Variants in FNDC3A observed in about 807,000 individuals in gnomAD.
FNDC3A encodes fibronectin type-III domain-containing protein 3A.
Under a neutral mutation model 148.9 loss-of-function variants are expected in FNDC3A, and 32 were observed. The observed-to-expected ratio is 0.21, with a 90% CI of 0.16 to 0.29. The LOEUF is 0.29. Among genes scored for constraint, FNDC3A ranks in the 10% least tolerant of loss-of-function variants. The pLI, the probability that FNDC3A is intolerant of heterozygous loss-of-function variation, is 1.00. For missense variants in FNDC3A, 1,191 were observed against 1,452.8 expected, an observed-to-expected ratio of 0.82 and a Z score of 2.93; for synonymous variants, 472 against 473.6, an observed-to-expected ratio of 1.00 and a Z score of 0.04.
intron 1 of FNDC3A, among the ~76,000 whole-genome samples, chr13:48,986,708 T>C (rs1951811846): frequency 6.6e-6 from 1 of 151,954 alleles, no homozygotes; most frequent in African/African-American, 2.4e-5. Context: ...GAAGGTTTTT[T>C]TAAAAAGAAG....
chr13:49,201,738 A>G (rs1336361182), intron 23 of FNDC3A, 62 bp from the exon 24 acceptor site: 8 of 845,164 alleles, frequency 9.5e-6, no homozygotes, highest in Non-Finnish European at 1.2e-5. Flanking sequence ...TAGTTTGTAA[A>G]ACACTTTAAT....
chr13:49,109,953 C>G (rs1880436860), intron 3 of FNDC3A, among the ~76,000 whole-genome samples: 1 of 152,084 alleles, frequency 6.6e-6, no homozygotes, highest in African/African-American at 2.4e-5. Flanking sequence ...TTAATATTAT[C>G]TCAAATGTTC....
At chr13:49,158,254 G>T (rs955638387) in intron 8 of FNDC3A, among the ~76,000 whole-genome samples, 3 of 152,154 alleles carry the variant, frequency 2.0e-5, no homozygotes, top group African/African-American at 7.2e-5. Context: ...TCGGAGAAGC[G>T]CAATATTCGG....
At chr13:48,984,537 T>C (rs1951754121) in intron 1 of FNDC3A, among the ~76,000 whole-genome samples, 1 of 152,078 alleles carries the variant, frequency 6.6e-6, no homozygotes. Context: ...TAAAGAAGAA[T>C]TGTATGATAA....
rs112538251 is a variant in FNDC3A at position 49,186,098 on chromosome 13, C to A, written c.1752C>A (p.Thr584=). The part of the protein sequence containing the change: ...GKIHSHSFKI[T]WDPPKDNGGA... The stretch of plus-strand genomic sequence containing the variant: ...TACATTCACACAGTTTTAAAATAAC[C>A]TGGGGTAAGATATTATGCATGTTTA... Residue 584 remains threonine, a synonymous_variant, in exon 15 of 26, where the codon ACC becomes ACA. Transcript: ENST00000492622. 3 of 1,608,704 alleles carry A rather than the reference C, an allele frequency of 1.9e-6. No homozygotes were observed. Among genetic ancestry groups the A allele is most frequent in the Non-Finnish European group, 2.6e-6 (3 of 1,176,370 alleles).
At chr13:49,008,980 A>T (rs1593463942) in intron 2 of FNDC3A, among the ~76,000 whole-genome samples, 1 of 152,128 alleles carries the variant, frequency 6.6e-6, no homozygotes, top group South Asian at 2.1e-4. Flanking sequence ...ACCAGTATTG[A>T]TGCGTTATTA....
intron 15 of FNDC3A, among the ~76,000 whole-genome samples, 200 bp downstream of exon 15, chr13:49,186,302 A>G (rs1159925027): frequency 6.6e-6 from 1 of 152,182 alleles, no homozygotes; most frequent in East Asian, 1.9e-4. Context: ...TATGATAAAA[A>G]GGAACTTGCG....
intron 3 of FNDC3A, among the ~76,000 whole-genome samples, chr13:49,085,475 T>G (rs1189335656): frequency 1.3e-5 from 2 of 152,186 alleles, no homozygotes; most frequent in Non-Finnish European, 2.9e-5. Flanking sequence ...TAACCTGCTC[T>G]GATATCCTGG....
chr13:49,122,290 A>T (rs1187888916), intron 4 of FNDC3A, among the ~76,000 whole-genome samples: 2 of 152,240 alleles, frequency 1.3e-5, no homozygotes, highest in African/African-American at 2.4e-5. Flanking sequence ...GCCTTCAATA[A>T]AATTGAAGGC....
chr13:49,059,980 A>G (rs1876547437), intron 2 of FNDC3A, among the ~76,000 whole-genome samples: 1 of 152,252 alleles, frequency 6.6e-6, no homozygotes, highest in East Asian at 1.9e-4. Context: ...TATACTCACT[A>G]GGATAGATAT....
intron 5 of FNDC3A, among the ~76,000 whole-genome samples, chr13:49,132,090 A>C: frequency 6.6e-6 from 1 of 152,168 alleles, no homozygotes. Context: ...AGATGGTCAA[A>C]TTTGATTTCT....
chr13:49,202,059 C>A, intron 24 of FNDC3A, 93 bp downstream of exon 24: 2 of 807,702 alleles, frequency 2.5e-6, no homozygotes, highest in South Asian at 2.5e-5. Flanking sequence ...TAAAATTTAG[C>A]ATCCAGTATA....
intron 3 of FNDC3A, among the ~76,000 whole-genome samples, chr13:49,087,549 T>A (rs1280091965): frequency 1.3e-5 from 2 of 152,038 alleles, no homozygotes; most frequent in East Asian, 3.8e-4. Context: ...AGAAGCAAAT[T>A]GACTTGGAAT....
In FNDC3A at chr13:49,207,589, T is replaced by A. The variant is rs1010293810; in HGVS notation, c.*194T>A. The A allele has an allele frequency of 2.3e-6, 1 of 440,092 alleles. No homozygotes were observed. Among genetic ancestry groups the A allele is most frequent in the South Asian group, 5.6e-5 (1 of 17,974 alleles). 27.3% of individuals were successfully genotyped at this position (440,092 alleles called of 1,614,324 possible). A position where few individuals can be genotyped will look rare whatever the true frequency, so the allele number is the denominator to read the frequency against. On this transcript the variant is annotated 3_prime_UTR_variant, in exon 26 of 26. Coordinates refer to ENST00000492622, the MANE Select transcript of FNDC3A (RefSeq NM_001079673.2). ...TATTAGAATGCAAGCCACAAAAATATCAATTTTGTTTTTTTTGTTAGGGTG... is the reference window on the plus strand; with the variant it reads ...TATTAGAATGCAAGCCACAAAAATAACAATTTTGTTTTTTTTGTTAGGGTG...
chr13:49,207,087 A>G lies in FNDC3A; in HGVS notation c.3289A>G (p.Lys1097Glu), dbSNP rs761460967. 6.2e-7 allele frequency: 1 copy of G among 1,610,324 alleles called. No individual in the cohort carries two copies. The highest frequency in any genetic ancestry group is 8.5e-7 in the Non-Finnish European group (1 of 1,177,164). The change falls in exon 26 of 26, where the codon AAG becomes GAG. Residue 1097 changes from lysine (K) to glutamate (E), a missense_variant. By Grantham distance (56) the Lys-to-Glu change is moderately conservative. This residue lies in a region of FNDC3A where 751 missense variants were observed against 944.0 expected (regional missense o/e 0.80). Transcript: ENST00000492622. ...GKDSEFKQIY[K>E]GPDSSFRYSS... is the part of the protein sequence containing the mutation. ...TCTAATATTTTATTAACAGATTTAC[A>G]AGGGTCCCGACTCTTCCTTCCGGTA...
Position 49,123,731 on chromosome 13 carries a change from A to G in FNDC3A, c.253-7406A>G, listed in dbSNP as rs1881515830. Among the ~76,000 whole-genome samples the G allele has an allele frequency of 2.0e-5, 3 of 152,222 alleles. No homozygotes were observed. The South Asian group carries it at 6.2e-4, about 32-fold the overall frequency. On this transcript the variant is annotated intron_variant, in intron 4 of 25. Coordinates refer to ENST00000492622, the MANE Select transcript of FNDC3A (RefSeq NM_001079673.2). ...CTCAAAAGAAGACATTTATGTGGCCAACAAACATATGAAAAAAAGCTTATC... is the reference window on the plus strand; with the variant it reads ...CTCAAAAGAAGACATTTATGTGGCCGACAAACATATGAAAAAAAGCTTATC...
chr13:49,064,760 G>A (rs77043680), intron 2 of FNDC3A, among the ~76,000 whole-genome samples: 2,092 of 152,286 alleles, frequency 0.014, 53 homozygotes, highest in African/African-American at 0.047. Flanking sequence ...GGGTTCATGT[G>A]TAAGTTGCTG....
chr13:48,994,264 G>A (rs1231693686), intron 1 of FNDC3A, among the ~76,000 whole-genome samples: 2 of 152,124 alleles, frequency 1.3e-5, no homozygotes, highest in Non-Finnish European at 2.9e-5. Context: ...CAAATGGATG[G>A]TACTTAGATT....
intron 2 of FNDC3A, among the ~76,000 whole-genome samples, 176 bp downstream of exon 2, chr13:49,006,465 A>G (rs1315478014): frequency 1.3e-5 from 2 of 152,010 alleles, no homozygotes; most frequent in Non-Finnish European, 2.9e-5. Context: ...AGTCTCTTTT[A>G]AAATATCTTG....
Sources: gnomAD v4.1 joint callset for allele counts (sites outside exome capture counted in the v4.1 genomes callset) on GRCh38, gnomAD v4.1.1 for gene constraint, gnomAD v4.1.1 regional missense constraint, MANE v1.5 for transcripts, NCBI Gene and HGNC (gene_info 2026-07-23, HGNC 2026-07-21) for gene names.